The following PCDHA3 variants were observed in gnomAD, a reference collection of about 807,000 sequenced individuals.
The protein encoded by PCDHA3 is protocadherin alpha 3.
PCDHA3 carries 41 observed loss-of-function variants against 62.2 expected under a neutral mutation model. The ratio of observed to expected loss-of-function variants is 0.66; its 90% CI spans 0.51 to 0.86. PCDHA3 has a LOEUF of 0.86. Among genes scored for constraint, PCDHA3 ranks in the 40% least tolerant of loss-of-function variants. The pLI, the probability that PCDHA3 is intolerant of heterozygous loss-of-function variation, is 0.00. For missense variants in PCDHA3, 1,304 were observed against 1,241.2 expected (o/e 1.05, Z -0.76); for synonymous variants, 640 against 555.4 (o/e 1.15, Z -2.14).
intron 1 of PCDHA3, among the ~76,000 whole-genome samples, chr5:140,827,631 T>C (rs1554130832): frequency 1.2e-4 from 19 of 152,238 alleles, no homozygotes; most frequent in Non-Finnish European, 1.5e-5. Flanking sequence ...GAGTGTAGAA[T>C]AGTTTACATT....
chr5:140,844,775 A>G (rs959672555), intron 1 of PCDHA3, among the ~76,000 whole-genome samples: 1 of 149,266 alleles, frequency 6.7e-6, no homozygotes, highest in Non-Finnish European at 1.5e-5. Flanking sequence ...AAGATACTTT[A>G]TTTTGGTATC....
intron 1 of PCDHA3, among the ~76,000 whole-genome samples, chr5:140,955,954 T>C (rs782364189): frequency 2.0e-5 from 3 of 152,184 alleles, no homozygotes; most frequent in Non-Finnish European, 2.9e-5. Context: ...TACTTGCTTG[T>C]TGTTTGTGCA....
chr5:140,893,433 G>A (rs1441735373), intron 1 of PCDHA3, among the ~76,000 whole-genome samples: 3 of 152,006 alleles, frequency 2.0e-5, no homozygotes, highest in African/African-American at 4.8e-5. Context: ...CAGGAAGATC[G>A]CTTGAAGCCA....
intron 1 of PCDHA3, chr5:140,855,768 T>C (rs1047449445): frequency 1.8e-5 from 7 of 383,760 alleles, no homozygotes; most frequent in East Asian, 1.3e-4. Flanking sequence ...TCCATAGACA[T>C]AAAAATACGT....
chr5:140,822,214 C>A (rs2150114592), intron 1 of PCDHA3: 1 of 1,614,218 alleles, frequency 6.2e-7, no homozygotes. Context: ...GTCAAGAATG[C>A]CAGATTCGCG....
At chr5:140,833,018 C>T (rs1360278866) in intron 1 of PCDHA3, among the ~76,000 whole-genome samples, 1 of 152,022 alleles carries the variant, frequency 6.6e-6, no homozygotes, top group East Asian at 1.9e-4. Context: ...ACATGGTTCC[C>T]ATAAGAGAGA....
chr5:140,910,652 T>C (rs2075120001), intron 1 of PCDHA3, among the ~76,000 whole-genome samples: 1 of 152,204 alleles, frequency 6.6e-6, no homozygotes, highest in Non-Finnish European at 1.5e-5. Flanking sequence ...TTTTGATCCC[T>C]TCCTCTACAT....
intron 1 of PCDHA3, chr5:140,855,848 A>G: frequency 1.5e-6 from 1 of 662,286 alleles, no homozygotes; most frequent in South Asian, 2.3e-5. Context: ...ACCTAAAGCC[A>G]CCGGATGTCG....
chr5:140,882,286 A>G lies in PCDHA3; in HGVS notation c.2394+78695A>G, dbSNP rs13357748. The G allele has an allele frequency of 8.5e-4, 1,378 of 1,613,102 alleles. 12 individuals are homozygous for G. In the African/African-American group the frequency reaches 0.015, roughly 17 times the overall value. Reference sequence around the variant, plus strand: ...AGTGTACCATGCTGTCTTCCTGGCAAGGAGGCCCAAGACCGCGGCAACTAC... The same window carrying G: ...AGTGTACCATGCTGTCTTCCTGGCAGGGAGGCCCAAGACCGCGGCAACTAC... On this transcript the variant is annotated intron_variant, in intron 1 of 3. Transcript: ENST00000522353.
chr5:140,895,281 A>C (rs2064944456), intron 1 of PCDHA3, among the ~76,000 whole-genome samples: 1 of 152,118 alleles, frequency 6.6e-6, no homozygotes, highest in South Asian at 2.1e-4. Context: ...GGATAATTGA[A>C]TTAGGACCTT....
rs2150220427 is a variant in PCDHA3 at position 140,834,530 on chromosome 5, G to T, written c.2394+30939G>T. 6.8e-6 allele frequency: 11 copies of T among 1,614,068 alleles called. No individual in the cohort carries two copies. In the South Asian group the frequency reaches 1.1e-4, roughly 16 times the overall value. ...ATGGCAACTTCGTGGGCCGCATCGC[G>T]CAGGACCTGGGGCTGGAGCTGGCGG... is the stretch of plus-strand genomic sequence containing the variant. On this transcript the variant is annotated intron_variant, in intron 1 of 3. Coordinates refer to ENST00000522353, the MANE Select transcript of PCDHA3 (RefSeq NM_018906.3).
In PCDHA3 at chr5:140,833,167, C is replaced by T. The variant is rs2150206724; in HGVS notation, c.2394+29576C>T. 5.9e-5 allele frequency among the ~76,000 whole-genome samples: 9 copies of T among 152,184 alleles called. 1 individual carries two copies. The East Asian group carries it at 9.6e-4, about 16-fold the overall frequency. Reference sequence around the variant, plus strand: ...AAGCAATACGAATAAAAAGTATTAACGGAAGATGACTGCAAGGATTAAATG... The same window carrying T: ...AAGCAATACGAATAAAAAGTATTAATGGAAGATGACTGCAAGGATTAAATG... On this transcript the variant is annotated intron_variant, in intron 1 of 3. Transcript: ENST00000522353.
chr5:140,856,308 C>G, intron 1 of PCDHA3: 1 of 1,598,620 alleles, frequency 6.3e-7, no homozygotes, highest in Non-Finnish European at 8.6e-7. Context: ...TTTGTGAATT[C>G]TCGGATTGAC....
At chr5:140,857,283 T>C in intron 1 of PCDHA3, 1 of 1,598,740 alleles carries the variant, frequency 6.3e-7, no homozygotes, top group Non-Finnish European at 8.6e-7. Context: ...GACAGCGCTC[T>C]GGACCGCGAG....
At chr5:140,997,978 C>A (rs1205743045) in intron 3 of PCDHA3, among the ~76,000 whole-genome samples, 2 of 152,182 alleles carry the variant, frequency 1.3e-5, no homozygotes, top group Admixed American at 1.3e-4. Context: ...TTGGACTGCA[C>A]TTGTTACATA....
chr5:140,868,134 T>C (rs1562613374), intron 1 of PCDHA3: 1 of 152,142 alleles, frequency 6.6e-6, no homozygotes, highest in Admixed American at 6.5e-5. Context: ...ATTTCTGTCA[T>C]ATCATTGATT....
intron 1 of PCDHA3, chr5:140,829,559 G>C (rs2150170055): frequency 6.2e-7 from 1 of 1,612,768 alleles, no homozygotes; most frequent in Non-Finnish European, 8.5e-7. Flanking sequence ...GAACGCGCTG[G>C]TGTCCTACTC....
At chr5:140,886,405 GT>G (rs2060969795) in intron 1 of PCDHA3, among the ~76,000 whole-genome samples, 1 of 151,966 alleles carries the variant, frequency 6.6e-6, no homozygotes, top group Admixed American at 6.6e-5. Context: ...TCACAAATAT[GT>G]TTTCCTCCTA....
intron 1 of PCDHA3, chr5:140,858,228 A>T: frequency 6.3e-7 from 1 of 1,595,134 alleles, no homozygotes; most frequent in Non-Finnish European, 8.6e-7. Flanking sequence ...GCGCCCACCG[A>T]GGGCGCATGT....
Sources: allele counts gnomAD v4.1 joint callset (sites outside exome capture counted in the v4.1 genomes callset), GRCh38; gene constraint gnomAD v4.1.1; transcripts MANE v1.5; gene names NCBI Gene and HGNC (gene_info 2026-07-23, HGNC 2026-07-21).